Variants in BANK1 observed in about 807,000 individuals in gnomAD.
BANK1 encodes B cell scaffold protein with ankyrin repeats 1.
BANK1 carries 95 observed loss-of-function variants against 94.5 expected under a neutral mutation model. The ratio of observed to expected loss-of-function variants is 1.00; its 90% CI spans 0.85 to 1.19. BANK1 has a LOEUF of 1.19. BANK1 is among the 50% of genes most tolerant of loss of function. BANK1 has a pLI of 0.00. For synonymous variants in BANK1, 334 were observed against 308.4 expected (o/e 1.08, Z -0.87); for missense variants, 987 against 932.2 (o/e 1.06, Z -0.77).
At chr4:102,059,048 T>G (rs1315393703) in intron 11 of BANK1, among the ~76,000 whole-genome samples, 1 of 152,190 alleles carries the variant, frequency 6.6e-6, no homozygotes, top group African/African-American at 2.4e-5. Flanking sequence ...ACATTTGCTA[T>G]CAAATACTTG....
intron 1 of BANK1, among the ~76,000 whole-genome samples, chr4:101,809,592 TC>T (rs1358837190): frequency 6.6e-6 from 1 of 152,092 alleles, no homozygotes; most frequent in Non-Finnish European, 1.5e-5. Flanking sequence ...AATTTGCATT[TC>T]CCTAATGCTT....
chr4:101,917,819 T>C (rs1304084424), intron 6 of BANK1, among the ~76,000 whole-genome samples, 174 bp from the exon 7 acceptor site: 1 of 151,954 alleles, frequency 6.6e-6, no homozygotes, highest in East Asian at 1.9e-4. Context: ...TATTTTAATA[T>C]AGGTAATTGA....
In BANK1 at chr4:101,796,723, G is replaced by A. The variant is rs185090564; in HGVS notation, c.70+5773G>A. Among the ~76,000 whole-genome samples, 35 of 152,176 alleles carry A rather than the reference G, an allele frequency of 2.3e-4. No homozygotes were observed. The East Asian group carries it at 4.4e-3, about 19-fold the overall frequency. The stretch of plus-strand genomic sequence containing the variant: ...GTAGCTATAGATTTATAACAACAAC[G>A]TTTTCCCATGTTTTGTTAACAGGAT... On this transcript the variant is annotated intron_variant, in intron 1 of 16. Transcript: ENST00000322953.
At chr4:101,949,218 G>A (rs1281793119) in intron 7 of BANK1, among the ~76,000 whole-genome samples, 1 of 152,086 alleles carries the variant, frequency 6.6e-6, no homozygotes, top group African/African-American at 2.4e-5. Context: ...AGCTAAACAA[G>A]CATATTCTCA....
chr4:101,989,590 A>T lies in BANK1; in HGVS notation c.1207-31924A>T, dbSNP rs577680758. Among the ~76,000 whole-genome samples, 6 of 152,242 alleles carry T rather than the reference A, an allele frequency of 3.9e-5. No homozygotes were observed. In the South Asian group the frequency reaches 1.2e-3, roughly 32 times the overall value. Reference sequence around the variant, plus strand: ...TTGGGGGCCAAGATTCAAACTGGACAGAATACATTTAGCGTCGTGTCTCCT... The same window carrying T: ...TTGGGGGCCAAGATTCAAACTGGACTGAATACATTTAGCGTCGTGTCTCCT... On this transcript the variant is annotated intron_variant, in intron 7 of 16. Coordinates refer to ENST00000322953, the MANE Select transcript of BANK1 (RefSeq NM_017935.5).
intron 2 of BANK1, among the ~76,000 whole-genome samples, chr4:101,852,491 T>C (rs1727521940): frequency 8.9e-6 from 1 of 112,592 alleles, no homozygotes; most frequent in South Asian, 2.6e-4. Flanking sequence ...TATATATATA[T>C]ATATATATAT....
At chr4:101,936,579 T>G (rs1216286002) in intron 7 of BANK1, among the ~76,000 whole-genome samples, 1 of 150,724 alleles carries the variant, frequency 6.6e-6, no homozygotes, top group Non-Finnish European at 1.5e-5. Flanking sequence ...TACGTGTATG[T>G]GTGTGTATAT....
At chr4:101,847,917 G>C (rs1727317256) in intron 2 of BANK1, among the ~76,000 whole-genome samples, 1 of 152,138 alleles carries the variant, frequency 6.6e-6, no homozygotes, top group Non-Finnish European at 1.5e-5. Flanking sequence ...AGTTCAGCTA[G>C]AGAATTCCTT....
chr4:101,927,025 G>A (rs1267425361), intron 7 of BANK1, among the ~76,000 whole-genome samples: 2 of 151,674 alleles, frequency 1.3e-5, no homozygotes, highest in Non-Finnish European at 3.0e-5. Flanking sequence ...TTGGAGAAAG[G>A]CATTAGAGAA....
intron 7 of BANK1, chr4:101,977,156 C>T (rs1725162943): frequency 6.6e-6 from 1 of 152,126 alleles, no homozygotes; most frequent in African/African-American, 2.4e-5. Context: ...CTCATTTACA[C>T]TGCACATTGA....
rs192673365 is a variant in BANK1 at position 101,894,482 on chromosome 4, T to C, written c.904-823T>C. On this transcript the variant is annotated intron_variant, in intron 5 of 16. Coordinates refer to ENST00000322953, the MANE Select transcript of BANK1 (RefSeq NM_017935.5). ...CAAAAATATCTTTTTTTCAGTACAG[T>C]TATTTAATTTGTGACTATGTCTTGA... is the stretch of plus-strand genomic sequence containing the variant. 5.3e-3 allele frequency among the ~76,000 whole-genome samples: 813 copies of C among 152,038 alleles called. 3 individuals carry two copies. Among genetic ancestry groups the C allele is most frequent in the Non-Finnish European group, 9.0e-3 (608 of 67,920 alleles).
chr4:102,060,225 G>C lies in BANK1; in HGVS notation c.1984G>C (p.Glu662Gln). 1 of 1,577,838 alleles carries C rather than the reference G, an allele frequency of 6.3e-7. No individual in the cohort carries two copies. Reference protein sequence around the residue: ...LPKKQDRARIESPAFSTLRGC... With the variant: ...LPKKQDRARIQSPAFSTLRGC... Reference sequence around the variant, plus strand: ...TTGTATTTTAGACAGAGCTCGGATAGAGAGTCCAGCCTTTTCTACTCTCAG... The same window carrying C: ...TTGTATTTTAGACAGAGCTCGGATACAGAGTCCAGCCTTTTCTACTCTCAG... The change falls in exon 12 of 17, where the codon GAG becomes CAG. Residue 662 changes from glutamate (E) to glutamine (Q), a missense_variant. Coordinates refer to ENST00000322953, the MANE Select transcript of BANK1 (RefSeq NM_017935.5).
Position 101,862,506 on chromosome 4 carries a change from G to T in BANK1, c.625-20G>T, listed in dbSNP as rs374346511. The T allele has an allele frequency of 5.0e-6, 8 of 1,584,736 alleles. No homozygotes were observed. In the East Asian group the frequency reaches 1.6e-4, roughly 31 times the overall value. On this transcript the variant is annotated intron_variant, in intron 3 of 16. Coordinates refer to ENST00000322953, the MANE Select transcript of BANK1 (RefSeq NM_017935.5). ...TAAACTTTTCCAAATGCTTAAATGGGTTACATTTTCATCTTACAGAATCCT... is the reference window on the plus strand; with the variant it reads ...TAAACTTTTCCAAATGCTTAAATGGTTTACATTTTCATCTTACAGAATCCT...
chr4:101,812,351 T>C (rs1476560232), intron 1 of BANK1, among the ~76,000 whole-genome samples: 2 of 151,954 alleles, frequency 1.3e-5, no homozygotes, highest in Non-Finnish European at 2.9e-5. Context: ...GTTCAAGTGG[T>C]GAAATGTTAA....
At chr4:101,833,993 C>G (rs976521407) in intron 2 of BANK1, among the ~76,000 whole-genome samples, 1 of 152,130 alleles carries the variant, frequency 6.6e-6, no homozygotes, top group Admixed American at 6.5e-5. Context: ...TGCTACTCTT[C>G]TCCCTGAAGA....
intron 1 of BANK1, among the ~76,000 whole-genome samples, chr4:101,792,892 G>A (rs1287481062): frequency 1.3e-5 from 2 of 152,058 alleles, no homozygotes; most frequent in African/African-American, 4.8e-5. Context: ...ATGGGTGAAA[G>A]TTCTAGTTAG....
chr4:101,994,162 G>A (rs1261782025), intron 7 of BANK1, among the ~76,000 whole-genome samples: 2 of 152,244 alleles, frequency 1.3e-5, no homozygotes, highest in South Asian at 2.1e-4. Context: ...TAAGTATGAC[G>A]TATTTTTTTC....
chr4:102,025,721 T>A (rs559869887), intron 9 of BANK1, among the ~76,000 whole-genome samples: 1 of 152,152 alleles, frequency 6.6e-6, no homozygotes, highest in African/African-American at 2.4e-5. Flanking sequence ...TTTCCTTGCT[T>A]CCTTCCTTCC....
At chr4:101,827,938 A>G (rs1262422424) in intron 1 of BANK1, among the ~76,000 whole-genome samples, 1 of 151,920 alleles carries the variant, frequency 6.6e-6, no homozygotes, top group Non-Finnish European at 1.5e-5. Context: ...TTCCTATAAA[A>G]CATAAGATAA....
Sources: allele counts gnomAD v4.1 joint callset (sites outside exome capture counted in the v4.1 genomes callset), GRCh38; gene constraint gnomAD v4.1.1; transcripts MANE v1.5; gene names NCBI Gene and HGNC (gene_info 2026-07-23, HGNC 2026-07-21).